TMEM116: variants seen among roughly 807,000 people sequenced by gnomAD.
TMEM116 encodes transmembrane protein 116.
In TMEM116, 38 loss-of-function variants were observed where a neutral mutation model predicts 44.3. The ratio of observed to expected loss-of-function variants is 0.86; its 90% CI spans 0.66 to 1.12. The LOEUF (loss-of-function observed/expected upper bound fraction) is 1.12. TMEM116 is among the 50% of genes most tolerant of loss of function. The pLI, the probability that TMEM116 is intolerant of heterozygous loss-of-function variation, is 0.00. For synonymous variants in TMEM116, 132 were observed against 144.8 expected, an observed-to-expected ratio of 0.91 and a Z score of 0.64; for missense variants, 354 against 401.7, an observed-to-expected ratio of 0.88 and a Z score of 1.01.
chr12:111,931,547 G>T lies in TMEM116; in HGVS notation c.*74C>A. ...GGCATAGTTAGAAAAGATTTAAGAT[G>T]TCCTTTCCCAACATTCTTTCCAATC... On this transcript the variant is annotated 3_prime_UTR_variant, in exon 11 of 11. Transcript: ENST00000552374. 7.0e-7 allele frequency: 1 copy of T among 1,433,248 alleles called. No homozygotes were observed. Among genetic ancestry groups the T allele is most frequent in the Non-Finnish European group, 9.8e-7 (1 of 1,022,892 alleles). The allele number at this position is 1,433,248 out of a possible 1,614,324, so 88.8% of individuals were successfully genotyped here.
chr12:111,957,549 G>A (rs553450742), intron 4 of TMEM116, among the ~76,000 whole-genome samples: 145 of 148,470 alleles, frequency 9.8e-4, no homozygotes, highest in African/African-American at 3.2e-3. Context: ...GGCAGCCCCC[G>A]CCCAGCCAGC....
At chr12:111,954,154 CAAT>C (rs2073930403) in intron 4 of TMEM116, among the ~76,000 whole-genome samples, 1 of 152,078 alleles carries the variant, frequency 6.6e-6, no homozygotes, top group African/African-American at 2.4e-5. Context: ...TAAAAAATCA[CAAT>C]AATAATGTTA....
intron 4 of TMEM116, among the ~76,000 whole-genome samples, chr12:111,977,234 ACT>A (rs1491483350): frequency 6.6e-6 from 1 of 152,156 alleles, no homozygotes; most frequent in Non-Finnish European, 1.5e-5. Flanking sequence ...TTTTAAAACC[ACT>A]TTTTTTAGAG....
chr12:111,936,420 G>A, intron 8 of TMEM116: 2 of 305,104 alleles, frequency 6.6e-6, no homozygotes, highest in East Asian at 1.1e-4. Flanking sequence ...GAGTTTTCTG[G>A]CCATAGGGGA....
At chr12:111,979,676 G>A (rs1424768893) in intron 4 of TMEM116, among the ~76,000 whole-genome samples, 3 of 152,232 alleles carry the variant, frequency 2.0e-5, no homozygotes. Context: ...TTAAAAGAAT[G>A]AAGAGACAAG....
chr12:112,003,849 C>T lies in TMEM116; in HGVS notation c.29G>A (p.Ser10Asn). 1 of 1,513,542 alleles carries T rather than the reference C, an allele frequency of 6.6e-7. No homozygotes were observed. Among genetic ancestry groups the T allele is most frequent in the Non-Finnish European group, 8.8e-7 (1 of 1,139,596 alleles). 93.8% of individuals were successfully genotyped at this position (1,513,542 alleles called of 1,614,324 possible). The change falls in exon 3 of 11, where the codon AGT becomes AAT. Residue 10 changes from serine to asparagine, a missense_variant. Physicochemically the swap from Ser to Asn is conservative, Grantham distance 46. Coordinates refer to ENST00000552374, the MANE Select transcript of TMEM116 (RefSeq NM_001193531.2). MATLSVIGS[S>N]SLIAYAVFHN... Reference sequence around the variant, plus strand: ...GAATACAGCATAGGCAATAAGTGAACTTGAACCTATAACACTGAGAAATTT... The same window carrying T: ...GAATACAGCATAGGCAATAAGTGAATTTGAACCTATAACACTGAGAAATTT...
intron 4 of TMEM116, among the ~76,000 whole-genome samples, chr12:111,984,676 T>C (rs116876984): frequency 6.6e-6 from 1 of 151,974 alleles, no homozygotes; most frequent in African/African-American, 2.4e-5. Flanking sequence ...TTTAAAAGAA[T>C]TAAAACAGTA....
intron 3 of TMEM116, among the ~76,000 whole-genome samples, chr12:111,996,524 A>G (rs953955952): frequency 6.6e-6 from 1 of 152,220 alleles, no homozygotes; most frequent in Non-Finnish European, 1.5e-5. Flanking sequence ...TTTAAGTCTG[A>G]TAACAGCAAG....
At chr12:111,932,244 A>C (rs1238950836) in intron 10 of TMEM116, among the ~76,000 whole-genome samples, 1 of 152,064 alleles carries the variant, frequency 6.6e-6, no homozygotes, top group East Asian at 1.9e-4. Context: ...CATTCAGTTT[A>C]CTCTGGATGG....
chr12:111,970,347 C>T (rs1163223968), intron 4 of TMEM116, among the ~76,000 whole-genome samples: 1 of 150,916 alleles, frequency 6.6e-6, no homozygotes, highest in African/African-American at 2.4e-5. Context: ...AAAAAGCATG[C>T]AAAACTGCAA....
At chr12:112,010,984 C>G (rs569212343) in intron 1 of TMEM116, 1 of 152,464 alleles carries the variant, frequency 6.6e-6, no homozygotes, top group East Asian at 1.9e-4. Flanking sequence ...CACTTCTACC[C>G]TGGAATCAAT....
At chr12:111,950,967 A>T (rs762671541) in intron 4 of TMEM116, among the ~76,000 whole-genome samples, 2 of 152,246 alleles carry the variant, frequency 1.3e-5, no homozygotes, top group Admixed American at 1.3e-4. Flanking sequence ...ATTTATAAGG[A>T]ACTTAAAAAT....
chr12:111,993,761 A>G, intron 3 of TMEM116: 1 of 705,326 alleles, frequency 1.4e-6, no homozygotes, highest in South Asian at 1.4e-5. Flanking sequence ...AAGACAGAGG[A>G]GCTGGTTGTA....
In TMEM116 at chr12:111,931,749, G is replaced by C; in HGVS notation, c.886C>G (p.Gln296Glu). The change falls in exon 11 of 11, where the codon CAG becomes GAG. Residue 296 changes from glutamine to glutamate, a missense_variant. By Grantham distance (29) the Gln-to-Glu change is conservative. Transcript: ENST00000552374. Reference protein sequence around the residue: ...WTQHKFHQLKQEARRDADTQT... With the variant: ...WTQHKFHQLKEEARRDADTQT... ...GTATCTGCATCACGCCGAGCCTCCTGCTTTAGTTGGTGGAATTTGTGCTGC... is the reference window on the plus strand; with the variant it reads ...GTATCTGCATCACGCCGAGCCTCCTCCTTTAGTTGGTGGAATTTGTGCTGC... 1 of 1,608,828 alleles carries C rather than the reference G, an allele frequency of 6.2e-7. No individual in the cohort carries two copies. Among genetic ancestry groups the C allele is most frequent in the Non-Finnish European group, 8.5e-7 (1 of 1,177,596 alleles).
intron 4 of TMEM116, among the ~76,000 whole-genome samples, chr12:111,946,796 C>A (rs920887813): frequency 6.6e-6 from 1 of 152,150 alleles, no homozygotes; most frequent in Non-Finnish European, 1.5e-5. Context: ...TGATTAAAAC[C>A]CATTTATGCC....
intron 2 of TMEM116, 52 bp from the exon 3 acceptor site, chr12:112,003,915 T>A: frequency 7.0e-7 from 1 of 1,427,828 alleles, no homozygotes; most frequent in Non-Finnish European, 9.1e-7. Flanking sequence ...TGGAGTGCCA[T>A]CGTTTTTGTT....
chr12:111,934,219 T>C (rs1232317694), intron 8 of TMEM116, 189 bp from the exon 9 acceptor site: 1 of 637,316 alleles, frequency 1.6e-6, no homozygotes, highest in South Asian at 2.2e-5. Context: ...GAACTTTTAC[T>C]AGGCTAGGGA....
chr12:111,940,480 T>TACACACACAC (rs145433427), intron 5 of TMEM116, among the ~76,000 whole-genome samples: 10,425 of 128,514 alleles, frequency 0.081, 496 homozygotes, highest in East Asian at 0.19. Context: ...TATATATACA[T>TACACACACAC]ACACACACAC....
In TMEM116 at chr12:111,943,250, C is replaced by G; in HGVS notation, c.315+15G>C. ...AGCATACTATTATTAACTATCAGCC[C>G]TGAATAAAACTTACCAGTGGAGATG... On this transcript the variant is annotated intron_variant, in intron 5 of 10. Transcript: ENST00000552374. 2 of 1,596,002 alleles carry G rather than the reference C, an allele frequency of 1.3e-6. No homozygotes were observed. Among genetic ancestry groups the G allele is most frequent in the Middle Eastern group, 3.3e-4 (2 of 6,022 alleles).
Sources: gnomAD v4.1 joint callset for allele counts (sites outside exome capture counted in the v4.1 genomes callset) on GRCh38, gnomAD v4.1.1 for gene constraint, MANE v1.5 for transcripts, NCBI Gene and HGNC (gene_info 2026-07-23, HGNC 2026-07-21) for gene names.